Variants in ARHGAP12 observed in about 807,000 individuals in gnomAD.
ARHGAP12 encodes the protein Rho GTPase activating protein 12, also known as rho GTPase-activating protein 12.
A neutral mutation model predicts 108.6 loss-of-function variants in ARHGAP12; 64 were observed. That is an observed-to-expected ratio of 0.59 (90% CI 0.48 to 0.73). The LOEUF (loss-of-function observed/expected upper bound fraction) is 0.73. Among genes scored for constraint, ARHGAP12 ranks in the 30% least tolerant of loss-of-function variants. The pLI, the probability that ARHGAP12 is intolerant of heterozygous loss-of-function variation, is 0.00. For missense variants in ARHGAP12, 940 were observed against 1,005.9 expected (o/e 0.93, Z 0.89); for synonymous variants, 312 against 337.2 (o/e 0.93, Z 0.82).
At chr10:31,814,662 C>T (rs1835137012) in intron 13 of ARHGAP12, among the ~76,000 whole-genome samples, 1 of 152,058 alleles carries the variant, frequency 6.6e-6, no homozygotes, top group Non-Finnish European at 1.5e-5. Flanking sequence ...GTGACACTAA[C>T]AGTTAAAAGG....
At chr10:31,858,311 C>A (rs974957114) in intron 4 of ARHGAP12, among the ~76,000 whole-genome samples, 1 of 152,116 alleles carries the variant, frequency 6.6e-6, no homozygotes, top group African/African-American at 2.4e-5. Flanking sequence ...AACAAAGGGG[C>A]TAAAAATTGA....
At chr10:31,821,378 T>G (rs151062916) in intron 11 of ARHGAP12, among the ~76,000 whole-genome samples, 1 of 152,140 alleles carries the variant, frequency 6.6e-6, no homozygotes, top group Non-Finnish European at 1.5e-5. Context: ...ATCTTTAAAT[T>G]TGTTTAGTCT....
At chr10:31,863,331 T>C (rs191442607) in intron 3 of ARHGAP12, among the ~76,000 whole-genome samples, 2 of 152,264 alleles carry the variant, frequency 1.3e-5, no homozygotes, top group Admixed American at 6.5e-5. Flanking sequence ...GCAAATCATG[T>C]CTCAGAACCT....
At chr10:31,920,429 GAC>G (rs1357858489) in intron 1 of ARHGAP12, among the ~76,000 whole-genome samples, 1 of 107,084 alleles carries the variant, frequency 9.3e-6, no homozygotes, top group East Asian at 2.7e-4. Flanking sequence ...CAGCCTAGGC[GAC>G]AGAGTGAGAC....
chr10:31,840,424 T>C (rs887557869), intron 7 of ARHGAP12, among the ~76,000 whole-genome samples: 3 of 152,056 alleles, frequency 2.0e-5, no homozygotes, highest in Admixed American at 1.3e-4. Flanking sequence ...CAGATGTTGA[T>C]AGGACTATTC....
At position 31,806,063 on chromosome 10, in the gene ARHGAP12, G is replaced by T. The variant is rs1834814077; in HGVS notation, c.*1595C>A. ...CTGTAAATTATAAATGCAACCCTAA[G>T]AAAAAAAAATCCTGGTCACAAATCA... On this transcript the variant is annotated 3_prime_UTR_variant, in exon 20 of 20. Coordinates refer to ENST00000344936, the MANE Select transcript of ARHGAP12 (RefSeq NM_018287.7). 1 of 151,092 alleles carries T rather than the reference G, an allele frequency of 6.6e-6. No homozygotes were observed. The highest frequency in any genetic ancestry group is 1.9e-4 in the East Asian group (1 of 5,154). The allele number at this position is 151,092 out of a possible 1,614,324, so 9.4% of individuals were successfully genotyped here.
At chr10:31,869,103 A>G (rs1200866604) in intron 3 of ARHGAP12, among the ~76,000 whole-genome samples, 1 of 152,220 alleles carries the variant, frequency 6.6e-6, no homozygotes, top group Non-Finnish European at 1.5e-5. Context: ...CTGCAGATAA[A>G]TCAGAGTTAA....
chr10:31,839,002 C>T (rs188900359), intron 9 of ARHGAP12, among the ~76,000 whole-genome samples: 95 of 151,900 alleles, frequency 6.3e-4, no homozygotes, highest in African/African-American at 2.2e-3. Flanking sequence ...GACAACAGAG[C>T]GCAACCATGT....
rs572060233 is a variant in ARHGAP12 at position 31,893,768 on chromosome 10, C to T, written c.684+14404G>A. On this transcript the variant is annotated intron_variant, in intron 3 of 19. Coordinates refer to ENST00000344936, the MANE Select transcript of ARHGAP12 (RefSeq NM_018287.7). ...TTATGAGGCCAACATCATCCTGATACCAAAGCCTGGCAGAGACACAACAAA... is the reference window on the plus strand; with the variant it reads ...TTATGAGGCCAACATCATCCTGATATCAAAGCCTGGCAGAGACACAACAAA... Among the ~76,000 whole-genome samples the T allele has an allele frequency of 3.3e-5, 5 of 152,216 alleles. No homozygotes were observed. The South Asian group carries it at 1.0e-3, about 32-fold the overall frequency.
At chr10:31,924,750 C>T (rs1839959617) in intron 1 of ARHGAP12, among the ~76,000 whole-genome samples, 1 of 152,140 alleles carries the variant, frequency 6.6e-6, no homozygotes, top group Non-Finnish European at 1.5e-5. Context: ...GAGCACAGAA[C>T]TTGGAGTCAG....
chr10:31,880,789 G>A (rs1442832556), intron 3 of ARHGAP12, among the ~76,000 whole-genome samples: 3 of 151,856 alleles, frequency 2.0e-5, no homozygotes, highest in African/African-American at 4.8e-5. Context: ...AGTTCTGGCC[G>A]GGAGTGGTGG....
In ARHGAP12 at chr10:31,908,905, A is replaced by G; in HGVS notation, c.-50T>C. 6 of 1,471,166 alleles carry G rather than the reference A, an allele frequency of 4.1e-6. No homozygotes were observed. The highest frequency in any genetic ancestry group is 4.5e-6 in the Non-Finnish European group (5 of 1,101,026). 91.1% of individuals were successfully genotyped at this position (1,471,166 alleles called of 1,614,324 possible). On this transcript the variant is annotated 5_prime_UTR_variant, in exon 3 of 20. Coordinates refer to ENST00000344936, the MANE Select transcript of ARHGAP12 (RefSeq NM_018287.7). ...GGATGTTATACCACATTATGGCTTT[A>G]TGGCTTGTTGGATGAATATAGCTGT...
chr10:31,854,829 G>GAAATCTATA (rs1836824619), intron 4 of ARHGAP12, among the ~76,000 whole-genome samples: 1 of 151,236 alleles, frequency 6.6e-6, no homozygotes, highest in African/African-American at 2.4e-5. Context: ...AAAAAATTCT[G>GAAATCTATA]TATGAAAATA....
Position 31,861,426 on chromosome 10 carries a change from T to C in ARHGAP12, c.917A>G (p.Lys306Arg), listed in dbSNP as rs1418238439. 7 of 1,613,870 alleles carry C rather than the reference T, an allele frequency of 4.3e-6. No homozygotes were observed. The South Asian group carries it at 7.7e-5, about 18-fold the overall frequency. Residue 306 changes from lysine to arginine, a missense_variant, in exon 4 of 20, where the codon AAA becomes AGA. Coordinates refer to ENST00000344936, the MANE Select transcript of ARHGAP12 (RefSeq NM_018287.7). Reference sequence around the variant, plus strand: ...ATCCCCTGGATTTTGGAAATCTCCTTTGCTGATGCTTGCATCCCGAGTCCA... The same window carrying C: ...ATCCCCTGGATTTTGGAAATCTCCTCTGCTGATGCTTGCATCCCGAGTCCA... ...PRWTRDASIS[K>R]GDFQNPGDQE...
At chr10:31,860,681 G>A (rs1376931150) in intron 4 of ARHGAP12, among the ~76,000 whole-genome samples, 2 of 152,122 alleles carry the variant, frequency 1.3e-5, no homozygotes, top group Non-Finnish European at 2.9e-5. Flanking sequence ...GACTGACAAA[G>A]AGAAAAAATG....
chr10:31,847,283 C>T (rs1048629785), intron 6 of ARHGAP12, among the ~76,000 whole-genome samples: 9 of 152,090 alleles, frequency 5.9e-5, no homozygotes, highest in Non-Finnish European at 1.0e-4. Flanking sequence ...ACAAGTAATT[C>T]TAGGTCATAT....
chr10:31,856,760 C>T (rs915636401), intron 4 of ARHGAP12, among the ~76,000 whole-genome samples: 2 of 152,170 alleles, frequency 1.3e-5, no homozygotes, highest in Non-Finnish European at 2.9e-5. Context: ...CAGATACACT[C>T]TCAAAACACC....
At position 31,814,242 on chromosome 10, in the gene ARHGAP12, G is replaced by T; in HGVS notation, c.1834+17C>A. The T allele has an allele frequency of 6.3e-7, 1 of 1,594,194 alleles. No individual in the cohort carries two copies. Among genetic ancestry groups the T allele is most frequent in the Non-Finnish European group, 8.6e-7 (1 of 1,162,308 alleles). The stretch of plus-strand genomic sequence containing the variant: ...ACAAGCACAAATCCTTAGCAAAATA[G>T]GGAAAGGACAACTTACAACGAAGCT... On this transcript the variant is annotated intron_variant, in intron 14 of 19. Coordinates refer to ENST00000344936, the MANE Select transcript of ARHGAP12 (RefSeq NM_018287.7).
chr10:31,867,104 G>A (rs1366665095), intron 3 of ARHGAP12, among the ~76,000 whole-genome samples: 3 of 149,476 alleles, frequency 2.0e-5, no homozygotes, highest in African/African-American at 7.4e-5. Context: ...TAAGAACCTT[G>A]TTTTCTTTTT....
Sources: allele counts gnomAD v4.1 joint callset (sites outside exome capture counted in the v4.1 genomes callset), GRCh38; gene constraint gnomAD v4.1.1; transcripts MANE v1.5; gene names NCBI Gene and HGNC (gene_info 2026-07-23, HGNC 2026-07-21).